Variants in TRIM24 observed in about 807,000 individuals in gnomAD.
TRIM24 encodes the protein tripartite motif containing 24, also known as transcription intermediary factor 1-alpha.
In TRIM24, 29 loss-of-function variants were observed where a neutral mutation model predicts 123.9. The observed-to-expected ratio is 0.23, with a 90% CI of 0.17 to 0.32. TRIM24 has a LOEUF of 0.32. Among genes scored for constraint, TRIM24 ranks in the 10% least tolerant of loss-of-function variants. The pLI is 1.00. For missense variants in TRIM24, 932 were observed against 1,295.3 expected (o/e 0.72, Z 4.31); for synonymous variants, 456 against 461.1 (o/e 0.99, Z 0.14).
intron 5 of TRIM24, 86 bp downstream of exon 5, chr7:138,525,443 G>A: frequency 1.5e-6 from 1 of 658,484 alleles, no homozygotes; most frequent in Non-Finnish European, 2.3e-6. Context: ...TCACAGTTAA[G>A]TAATACGTTG....
intron 10 of TRIM24, among the ~76,000 whole-genome samples, chr7:138,568,411 A>ATTTTTTTG (rs1797583582): frequency 1.6e-5 from 1 of 62,164 alleles, no homozygotes; most frequent in African/African-American, 5.3e-5. Context: ...TTTTTTTTTA[A>ATTTTTTTG]AGTCTCTCTC....
At chr7:138,564,114 C>T (rs562809485) in intron 9 of TRIM24, among the ~76,000 whole-genome samples, 1 of 152,290 alleles carries the variant, frequency 6.6e-6, no homozygotes, top group East Asian at 1.9e-4. Flanking sequence ...TGGGTCTTCT[C>T]CATGTAGGAG....
intron 6 of TRIM24, among the ~76,000 whole-genome samples, chr7:138,535,801 T>G (rs1036975440): frequency 6.6e-6 from 1 of 152,192 alleles, no homozygotes; most frequent in Non-Finnish European, 1.5e-5. Flanking sequence ...GATAATAACC[T>G]GCAGAGCATT....
intron 2 of TRIM24, among the ~76,000 whole-genome samples, chr7:138,508,700 C>CGT (rs1554436660): frequency 3.4e-4 from 12 of 35,510 alleles, no homozygotes; most frequent in Non-Finnish European, 5.6e-4. Context: ...TGTGCGCGCG[C>CGT]GTGTGTGCGT....
intron 6 of TRIM24, among the ~76,000 whole-genome samples, chr7:138,533,297 T>C (rs944151924): frequency 1.3e-5 from 2 of 152,192 alleles, no homozygotes; most frequent in Non-Finnish European, 2.9e-5. Context: ...CTTGTGCCAG[T>C]TTTCAAAGGG....
At chr7:138,475,731 G>C (rs548761580) in intron 1 of TRIM24, among the ~76,000 whole-genome samples, 2 of 152,084 alleles carry the variant, frequency 1.3e-5, no homozygotes, top group East Asian at 3.9e-4. Context: ...AGCTGGTCTC[G>C]AACACCTGGC....
intron 12 of TRIM24, among the ~76,000 whole-genome samples, chr7:138,575,908 T>G (rs1797747634): frequency 6.6e-6 from 1 of 152,176 alleles, no homozygotes; most frequent in Admixed American, 6.5e-5. Context: ...TTTTCTTTTT[T>G]GAACTCCTTT....
intron 1 of TRIM24, among the ~76,000 whole-genome samples, chr7:138,495,253 T>C (rs1202128533): frequency 6.6e-6 from 1 of 152,218 alleles, no homozygotes; most frequent in Non-Finnish European, 1.5e-5. Context: ...ATGTTGTACA[T>C]ATTCAAAAAT....
intron 1 of TRIM24, among the ~76,000 whole-genome samples, chr7:138,461,939 CATTT>C (rs959453957): frequency 9.2e-5 from 14 of 152,290 alleles, no homozygotes; most frequent in African/African-American, 3.4e-4. Context: ...GGCTGAGACT[CATTT>C]ATTTGACTGC....
Position 138,509,357 on chromosome 7 carries a change from G to A in TRIM24, c.483+4949G>A, listed in dbSNP as rs575913767. Among the ~76,000 whole-genome samples the A allele has an allele frequency of 1.7e-4, 25 of 148,206 alleles. 1 individual carries two copies. Among genetic ancestry groups the A allele is most frequent in the African/African-American group, 4.2e-4 (17 of 40,804 alleles). On this transcript the variant is annotated intron_variant, in intron 2 of 18. Transcript: ENST00000343526. ...TATATTATATGCATAATTTATATGC[G>A]TAATATATAATACAGTCTTGGTGCA...
chr7:138,580,014 CCA>C (rs1162222408), intron 15 of TRIM24, among the ~76,000 whole-genome samples: 1 of 152,162 alleles, frequency 6.6e-6, no homozygotes, highest in Non-Finnish European at 1.5e-5. Context: ...ATAACAGCTA[CCA>C]CAGTTTATTA....
At chr7:138,572,407 C>G (rs1214368095) in intron 11 of TRIM24, among the ~76,000 whole-genome samples, 1 of 129,104 alleles carries the variant, frequency 7.7e-6, no homozygotes, top group East Asian at 1.9e-4. Flanking sequence ...CAAAAATGAC[C>G]CTGTATATTA....
chr7:138,579,073 AC>A, intron 14 of TRIM24, 130 bp from the exon 15 acceptor site: 1 of 663,512 alleles, frequency 1.5e-6, no homozygotes, highest in Non-Finnish European at 2.5e-6. Flanking sequence ...TTAGCAATAA[AC>A]ATATACCCTT....
chr7:138,473,568 T>C (rs1795324858), intron 1 of TRIM24, among the ~76,000 whole-genome samples: 1 of 152,224 alleles, frequency 6.6e-6, no homozygotes, highest in Non-Finnish European at 1.5e-5. Flanking sequence ...GGAGTCTGTG[T>C]GAATATTCTG....
chr7:138,548,378 C>T (rs918149889), intron 7 of TRIM24, among the ~76,000 whole-genome samples: 36 of 151,400 alleles, frequency 2.4e-4, no homozygotes, highest in Admixed American at 1.6e-3. Flanking sequence ...GAGCTGAGAT[C>T]GCACCACTCC....
intron 10 of TRIM24, among the ~76,000 whole-genome samples, chr7:138,569,857 T>C (rs2116668468): frequency 6.6e-6 from 1 of 152,140 alleles, no homozygotes; most frequent in Non-Finnish European, 1.5e-5. Flanking sequence ...TCAAACATAA[T>C]AAAAATTGAA....
At chr7:138,501,355 T>G (rs932427208) in intron 1 of TRIM24, among the ~76,000 whole-genome samples, 3 of 152,002 alleles carry the variant, frequency 2.0e-5, no homozygotes, top group Non-Finnish European at 4.4e-5. Context: ...CTCAGCCTCC[T>G]GAGTAGCTGG....
chr7:138,483,684 A>G (rs1258712508), intron 1 of TRIM24, among the ~76,000 whole-genome samples: 1 of 152,216 alleles, frequency 6.6e-6, no homozygotes, highest in Non-Finnish European at 1.5e-5. Flanking sequence ...TGGGGAGGAC[A>G]CTACATTGCC....
intron 4 of TRIM24, among the ~76,000 whole-genome samples, chr7:138,523,040 T>C (rs1796535902): frequency 6.6e-6 from 1 of 152,194 alleles, no homozygotes; most frequent in South Asian, 2.1e-4. Flanking sequence ...TATTGCAGTT[T>C]AGGGAAAGTA....
Sources: allele counts gnomAD v4.1 joint callset (sites outside exome capture counted in the v4.1 genomes callset), GRCh38; gene constraint gnomAD v4.1.1; transcripts MANE v1.5; gene names NCBI Gene and HGNC (gene_info 2026-07-23, HGNC 2026-07-21).